Variants in CUEDC1 observed in about 807,000 individuals in gnomAD.
CUEDC1 encodes the protein CUE domain containing 1.
In CUEDC1, 30 loss-of-function variants were observed where a neutral mutation model predicts 43.7. The observed-to-expected ratio is 0.69, with a 90% CI of 0.51 to 0.93. CUEDC1 has a LOEUF of 0.93. Ranked by LOEUF, CUEDC1 falls within the 40% of genes least tolerant of loss-of-function variation. The probability of loss-of-function intolerance (pLI) is 0.00; values close to 1 mark genes in which losing one functional copy is unlikely to be tolerated. For synonymous variants in CUEDC1, 223 were observed against 223.6 expected (o/e 1.00, Z 0.02); for missense variants, 486 against 549.0 (o/e 0.89, Z 1.15).
intron 1 of CUEDC1, among the ~76,000 whole-genome samples, chr17:57,943,440 A>T (rs1040007464): frequency 2.0e-5 from 3 of 152,190 alleles, no homozygotes; most frequent in Admixed American, 6.5e-5. Context: ...TCTCTCCACC[A>T]AACATAAGCC....
chr17:57,868,880 TG>T (rs2073997869), intron 7 of CUEDC1, among the ~76,000 whole-genome samples: 1 of 152,158 alleles, frequency 6.6e-6, no homozygotes, highest in Admixed American at 6.5e-5. Flanking sequence ...AGGGCATGTG[TG>T]GCACGTTATT....
At chr17:57,890,812 G>A (rs1358374465) in intron 1 of CUEDC1, among the ~76,000 whole-genome samples, 2 of 152,360 alleles carry the variant, frequency 1.3e-5, no homozygotes, top group East Asian at 1.9e-4. Context: ...CAGGGCCAGC[G>A]AGGGTCTGCA....
intron 1 of CUEDC1, among the ~76,000 whole-genome samples, chr17:57,944,213 T>A (rs868365638): frequency 0.061 from 8,737 of 142,936 alleles, 387 homozygotes; most frequent in African/African-American, 0.14. Flanking sequence ...TATATATATT[T>A]TTTTTTTTTT....
chr17:57,884,682 G>T (rs755837873), intron 2 of CUEDC1, among the ~76,000 whole-genome samples: 1 of 152,134 alleles, frequency 6.6e-6, no homozygotes, highest in Admixed American at 6.5e-5. Flanking sequence ...TCTTCCTTTG[G>T]GTCTCAGCTT....
intron 1 of CUEDC1, among the ~76,000 whole-genome samples, chr17:57,953,963 T>G (rs547179398): frequency 6.6e-6 from 1 of 152,194 alleles, no homozygotes; most frequent in African/African-American, 2.4e-5. Flanking sequence ...GGCACCATAT[T>G]CAAACTGAGG....
intron 1 of CUEDC1, among the ~76,000 whole-genome samples, chr17:57,886,264 T>TCTAC (rs2074289457): frequency 6.6e-6 from 1 of 152,176 alleles, no homozygotes; most frequent in African/African-American, 2.4e-5. Flanking sequence ...GTCACTGGTC[T>TCTAC]CTACCATTAC....
chr17:57,904,747 G>C (rs911317739), intron 1 of CUEDC1, among the ~76,000 whole-genome samples: 1 of 152,138 alleles, frequency 6.6e-6, no homozygotes, highest in African/African-American at 2.4e-5. Flanking sequence ...GGCTAGGCGT[G>C]GGGGGATCGC....
In CUEDC1 at chr17:57,861,964, C is replaced by T. The variant is rs377697209; in HGVS notation, c.*1325G>A. On this transcript the variant is annotated 3_prime_UTR_variant, in exon 11 of 11. Coordinates refer to ENST00000577830, the MANE Select transcript of CUEDC1 (RefSeq NM_001271875.2). ...TGCGCGTCCCGGCCCTCCCCAAGCT[C>T]GGCGTTGCGAGTCCGGGCAGGGTGG... 107 of 151,472 alleles carry T rather than the reference C, an allele frequency of 7.1e-4. No individual in the cohort carries two copies. The highest frequency in any genetic ancestry group is 2.4e-3 in the African/African-American group (100 of 41,476). 9.4% of individuals were successfully genotyped at this position (151,472 alleles called of 1,614,324 possible). A position where few individuals can be genotyped will look rare whatever the true frequency, so the allele number is the denominator to read the frequency against.
intron 1 of CUEDC1, among the ~76,000 whole-genome samples, chr17:57,936,097 C>G (rs934892210): frequency 6.6e-6 from 1 of 152,196 alleles, no homozygotes; most frequent in African/African-American, 2.4e-5. Flanking sequence ...AGGAGTGGGG[C>G]AAAGAGGAAA....
chr17:57,903,463 G>A (rs796547454), intron 1 of CUEDC1: 10 of 152,446 alleles, frequency 6.6e-5, no homozygotes, highest in African/African-American at 2.2e-4. Flanking sequence ...TCACTTTCAG[G>A]AAGGAGCTAG....
At chr17:57,874,164 T>C (rs1392188271) in intron 3 of CUEDC1, among the ~76,000 whole-genome samples, 3 of 152,202 alleles carry the variant, frequency 2.0e-5, no homozygotes, top group Admixed American at 2.0e-4. Context: ...GCCTGCTGCA[T>C]GCTGGTTTGC....
chr17:57,946,648 G>A (rs1484530154), intron 1 of CUEDC1, among the ~76,000 whole-genome samples: 3 of 152,122 alleles, frequency 2.0e-5, no homozygotes, highest in Admixed American at 2.0e-4. Flanking sequence ...TGACTCTGTG[G>A]CATGCTCACA....
chr17:57,890,645 G>A (rs1259189930), intron 1 of CUEDC1, among the ~76,000 whole-genome samples: 1 of 152,198 alleles, frequency 6.6e-6, no homozygotes, highest in African/African-American at 2.4e-5. Context: ...TCCAGGCCCG[G>A]CAGGGGCGGC....
Position 57,885,863 on chromosome 17 carries a change from T to A in CUEDC1, c.-299A>T. ...ACCCCCGGTGCATCCTGGCACCGGT[T>A]TCACGGATGGTCCCACCTGAAACCG... On this transcript the variant is annotated 5_prime_UTR_variant, in exon 2 of 11. Coordinates refer to ENST00000577830, the MANE Select transcript of CUEDC1 (RefSeq NM_001271875.2). 3.8e-6 allele frequency: 1 copy of A among 263,670 alleles called. No individual in the cohort carries two copies. Among genetic ancestry groups the A allele is most frequent in the Middle Eastern group, 1.1e-3 (1 of 908 alleles). 16.3% of individuals were successfully genotyped at this position (263,670 alleles called of 1,614,324 possible). A position where few individuals can be genotyped will look rare whatever the true frequency, so the allele number is the denominator to read the frequency against.
intron 1 of CUEDC1, among the ~76,000 whole-genome samples, chr17:57,913,328 CAAA>C (rs201695353): frequency 7.7e-6 from 1 of 130,292 alleles, no homozygotes; most frequent in Non-Finnish European, 1.6e-5. Flanking sequence ...GACTCCATCT[CAAA>C]AAAAAAAAAA....
chr17:57,917,418 C>G (rs543967343), intron 1 of CUEDC1, among the ~76,000 whole-genome samples: 3 of 152,212 alleles, frequency 2.0e-5, no homozygotes, highest in African/African-American at 7.2e-5. Flanking sequence ...GGGGCAAGGC[C>G]ATGCACCAAC....
intron 1 of CUEDC1, among the ~76,000 whole-genome samples, chr17:57,949,349 C>T (rs544911187): frequency 1.3e-5 from 2 of 152,306 alleles, no homozygotes; most frequent in East Asian, 3.9e-4. Flanking sequence ...GGCTTGATGA[C>T]CTTTGTGCTC....
At chr17:57,948,903 T>C (rs1358272967) in intron 1 of CUEDC1, among the ~76,000 whole-genome samples, 2 of 152,206 alleles carry the variant, frequency 1.3e-5, no homozygotes, top group Non-Finnish European at 2.9e-5. Flanking sequence ...TTCTTCACCA[T>C]GTTCACTGCA....
Position 57,868,157 on chromosome 17 carries a change from G to C in CUEDC1, c.1027C>G (p.His343Asp). 6.2e-7 allele frequency: 1 copy of C among 1,613,680 alleles called. No homozygotes were observed. The highest frequency in any genetic ancestry group is 1.1e-5 in the South Asian group (1 of 91,076). ...RKSKRKHLLK[H>D]QSLGAAASTA... ...CCAGGCTGGAAAGGATACGACTGAT[G>C]CTTCAACAAGTGTTTCCTCTTTGAC... The change falls in exon 8 of 11, where the codon CAT becomes GAT. Residue 343 changes from histidine to aspartate, a missense_variant. Physicochemically the swap from His to Asp is moderately conservative, Grantham distance 81 (BLOSUM62 -1). Coordinates refer to ENST00000577830, the MANE Select transcript of CUEDC1 (RefSeq NM_001271875.2).
Sources: gnomAD v4.1 joint callset for allele counts (sites outside exome capture counted in the v4.1 genomes callset) on GRCh38, gnomAD v4.1.1 for gene constraint, MANE v1.5 for transcripts, NCBI Gene and HGNC (gene_info 2026-07-23, HGNC 2026-07-21) for gene names.